CFAP54: variants seen among roughly 807,000 people sequenced by gnomAD.
CFAP54 encodes cilia- and flagella-associated protein 54.
CFAP54 carries 290 observed loss-of-function variants against 370.4 expected under a neutral mutation model. The observed-to-expected ratio is 0.78, with a 90% CI of 0.71 to 0.86. CFAP54 has a LOEUF of 0.86. CFAP54 is among the 40% of genes least tolerant of loss of function. The pLI is 0.00. For synonymous variants in CFAP54, 1,206 were observed against 1,236.5 expected (o/e 0.98, Z 0.52); for missense variants, 3,399 against 3,528.7 (o/e 0.96, Z 0.93).
At chr12:96,693,903 A>G (rs947899424) in intron 45 of CFAP54, 95 bp downstream of exon 45, 2 of 743,636 alleles carry the variant, frequency 2.7e-6, no homozygotes, top group Non-Finnish European at 4.4e-6. Flanking sequence ...TAACAAGCTG[A>G]TAATAACATG....
chr12:96,772,368 C>A (rs965269869), intron 60 of CFAP54, among the ~76,000 whole-genome samples: 1 of 152,148 alleles, frequency 6.6e-6, no homozygotes, highest in Non-Finnish European at 1.5e-5. Context: ...AATCTGTTTC[C>A]TTGCATTTCC....
chr12:96,732,588 G>A (rs1292244458), intron 50 of CFAP54, among the ~76,000 whole-genome samples: 1 of 152,154 alleles, frequency 6.6e-6, no homozygotes, highest in Non-Finnish European at 1.5e-5. Flanking sequence ...ATTAATAAAT[G>A]TTAAGGAAAT....
chr12:96,654,773 GCCACATGTAA>G (rs1337023008), intron 36 of CFAP54, among the ~76,000 whole-genome samples: 1 of 149,758 alleles, frequency 6.7e-6, no homozygotes, highest in Non-Finnish European at 1.5e-5. Context: ...TTTTTTAGCT[GCCACATGTAA>G]GTGAGAGCAT....
At chr12:96,580,841 A>G (rs1956026235) in intron 21 of CFAP54, 79 bp from the exon 22 acceptor site, 1 of 1,185,480 alleles carries the variant, frequency 8.4e-7, no homozygotes, top group African/African-American at 1.6e-5. Context: ...TTTTTAATAG[A>G]AGGTTTACTT....
chr12:96,718,514 A>G lies in CFAP54; in HGVS notation c.6796A>G (p.Met2266Val). The change falls in exon 49 of 68, where the codon ATG (methionine) becomes GTG (valine). Residue 2266 changes from methionine to valine, a missense_variant. By Grantham distance (21) the Met-to-Val change is conservative. Coordinates refer to ENST00000524981, the MANE Select transcript of CFAP54 (RefSeq NM_001306084.2). ...ACTTAAAGATGAGATCACTCTTAGC[A>G]TGCTAAAGGTAAGTTTGAAACTGTT... Reference protein sequence around the residue: ...TKLKDEITLSMLKSMLLMEAE... With the variant: ...TKLKDEITLSVLKSMLLMEAE... The G allele has an allele frequency of 6.4e-7, 1 of 1,561,256 alleles. No homozygotes were observed. Among genetic ancestry groups the G allele is most frequent in the South Asian group, 1.1e-5 (1 of 88,980 alleles).
intron 3 of CFAP54, 100 bp downstream of exon 3, chr12:96,504,129 C>A: frequency 8.9e-7 from 1 of 1,124,786 alleles, no homozygotes; most frequent in Non-Finnish European, 1.2e-6. Flanking sequence ...CTTAGCATAG[C>A]ATCTAGCTGT....
intron 50 of CFAP54, among the ~76,000 whole-genome samples, chr12:96,736,758 G>A (rs1397472397): frequency 2.0e-5 from 3 of 152,104 alleles, no homozygotes; most frequent in Non-Finnish European, 4.4e-5. Flanking sequence ...GCACCAAGAG[G>A]CCCATTGATA....
At chr12:96,546,503 C>T (rs11830426) in intron 14 of CFAP54, among the ~76,000 whole-genome samples, 8,855 of 152,140 alleles carry the variant, frequency 0.058, 625 homozygotes, top group African/African-American at 0.16. Context: ...GAGAATTTTT[C>T]TACATTATGC....
At chr12:96,647,586 A>C (rs1351500371) in intron 33 of CFAP54, among the ~76,000 whole-genome samples, 1 of 151,468 alleles carries the variant, frequency 6.6e-6, no homozygotes, top group Non-Finnish European at 1.5e-5. Context: ...GTTGAAATAA[A>C]TTATCGTTTC....
intron 36 of CFAP54, among the ~76,000 whole-genome samples, chr12:96,654,747 C>A (rs1294295801): frequency 4.0e-5 from 6 of 151,658 alleles, no homozygotes; most frequent in Non-Finnish European, 1.5e-5. Flanking sequence ...CCACTGTTAA[C>A]CTCCATATGT....
chr12:96,790,377 T>C (rs747594863), intron 62 of CFAP54, among the ~76,000 whole-genome samples: 1 of 152,120 alleles, frequency 6.6e-6, no homozygotes, highest in Non-Finnish European at 1.5e-5. Context: ...CAGTGTATAA[T>C]TCATCAATTA....
intron 15 of CFAP54, among the ~76,000 whole-genome samples, chr12:96,549,746 G>A (rs1272918160): frequency 1.3e-5 from 2 of 152,166 alleles, no homozygotes; most frequent in Non-Finnish European, 2.9e-5. Flanking sequence ...ATGAGATATT[G>A]TAATGTGGAA....
chr12:96,774,949 T>A (rs1268320770), intron 60 of CFAP54, among the ~76,000 whole-genome samples: 4 of 152,210 alleles, frequency 2.6e-5, no homozygotes, highest in Non-Finnish European at 4.4e-5. Flanking sequence ...AGATATTTTC[T>A]CCACTTGGTC....
intron 26 of CFAP54, among the ~76,000 whole-genome samples, chr12:96,611,614 A>G (rs1319460686): frequency 6.6e-6 from 1 of 152,338 alleles, no homozygotes; most frequent in Middle Eastern, 3.4e-3. Flanking sequence ...GTTAAAACCC[A>G]TCGCAAAGAA....
At chr12:96,641,935 G>GTT (rs1177344992) in intron 32 of CFAP54, among the ~76,000 whole-genome samples, 3 of 141,016 alleles carry the variant, frequency 2.1e-5, no homozygotes, top group African/African-American at 7.5e-5. Context: ...TTGTGGGGTG[G>GTT]TGCGGGGGGG....
chr12:96,619,452 G>T (rs1956460979), intron 26 of CFAP54, among the ~76,000 whole-genome samples: 2 of 145,984 alleles, frequency 1.4e-5, no homozygotes, highest in African/African-American at 5.1e-5. Flanking sequence ...TCAGATGGTT[G>T]AGTCTTTCTT....
At chr12:96,596,638 G>A (rs1227586577) in intron 25 of CFAP54, among the ~76,000 whole-genome samples, 7 of 152,000 alleles carry the variant, frequency 4.6e-5, no homozygotes, top group Admixed American at 6.6e-5. Flanking sequence ...AGGAGATGAC[G>A]TGTGCAGTCC....
chr12:96,518,067 C>A (rs1955259550), intron 5 of CFAP54, among the ~76,000 whole-genome samples: 1 of 152,124 alleles, frequency 6.6e-6, no homozygotes, highest in Non-Finnish European at 1.5e-5. Context: ...TCACTTTCTC[C>A]ATAACAGCAC....
chr12:96,851,239 A>G (rs76314312), intron 66 of CFAP54, among the ~76,000 whole-genome samples: 1,775 of 152,028 alleles, frequency 0.012, 44 homozygotes, highest in African/African-American at 0.04. Context: ...ATTTTCACCT[A>G]ACTTAACATT....
Sources: allele counts gnomAD v4.1 joint callset (sites outside exome capture counted in the v4.1 genomes callset), GRCh38; gene constraint gnomAD v4.1.1; transcripts MANE v1.5; gene names NCBI Gene and HGNC (gene_info 2026-07-23, HGNC 2026-07-21).